KIF2C: variants seen among roughly 807,000 people sequenced by gnomAD.
KIF2C encodes kinesin-like protein KIF2C.
KIF2C carries 34 observed loss-of-function variants against 97.4 expected under a neutral mutation model. That is an observed-to-expected ratio of 0.35 (90% confidence interval 0.27 to 0.46). The LOEUF is 0.46. Among genes scored for constraint, KIF2C ranks in the 20% least tolerant of loss-of-function variants. The pLI is 1.00. For missense variants in KIF2C, 750 were observed against 907.6 expected (o/e 0.83, Z 2.23); for synonymous variants, 313 against 318.2 (o/e 0.98, Z 0.17).
chr1:44,753,194 G>T lies in KIF2C; in HGVS notation c.502G>T (p.Glu168Ter). Residue 168 changes from glutamate to a stop codon, truncating the protein, a stop_gained, in exon 6 of 21, where the codon GAG (glutamate) becomes TAG (stop). Coordinates refer to ENST00000372224, the MANE Select transcript of KIF2C (RefSeq NM_006845.4). LOFTEE classifies it high-confidence loss of function. The stretch of plus-strand genomic sequence containing the variant: ...AATACCATTGAGGATGGTCAGCGAG[G>T]AGATGGAAGAGCAAGTCCATTCCAT... ...AEIPLRMVSE[E>*]MEEQVHSIRG... is the part of the protein sequence containing the mutation. 6.2e-7 allele frequency: 1 copy of T among 1,614,044 alleles called. No individual in the cohort carries two copies. The highest frequency in any genetic ancestry group is 8.5e-7 in the Non-Finnish European group (1 of 1,179,940).
At position 44,747,476 on chromosome 1, in the gene KIF2C, A is replaced by G. The variant is rs1219706910; in HGVS notation, c.258A>G (p.Val86=). The G allele has an allele frequency of 3.1e-6, 5 of 1,608,456 alleles. No individual in the cohort carries two copies. Among genetic ancestry groups the G allele is most frequent in the African/African-American group, 1.3e-5 (1 of 74,502 alleles). ...ACAATCTGCCCTTGCAGGAAAATGT[A>G]ACAATCCAGGTAGGTGCCTGTCATC... The part of the protein sequence containing the change: ...PKDNLPLQEN[V]TIQKQKRRSV... Residue 86 remains valine (V), a synonymous_variant, in exon 3 of 21, where the codon GTA becomes GTG. Coordinates refer to ENST00000372224, the MANE Select transcript of KIF2C (RefSeq NM_006845.4).
chr1:44,746,158 G>T (rs1281862830), intron 2 of KIF2C, among the ~76,000 whole-genome samples: 2 of 152,234 alleles, frequency 1.3e-5, no homozygotes, highest in African/African-American at 2.4e-5. Flanking sequence ...GGTTACAGGC[G>T]TGAGCCACCG....
chr1:44,765,485 A>G (rs181331952), intron 19 of KIF2C, among the ~76,000 whole-genome samples: 13 of 150,768 alleles, frequency 8.6e-5, no homozygotes, highest in Non-Finnish European at 1.6e-4. Context: ...AAGAAAGAAA[A>G]AAACCATTTA....
At chr1:44,754,615 T>A in intron 7 of KIF2C, 135 bp from the exon 8 acceptor site, 1 of 738,870 alleles carries the variant, frequency 1.4e-6, no homozygotes, top group Admixed American at 2.1e-5. Flanking sequence ...ACCTGGCTTC[T>A]CAACCCAGAG....
At position 44,766,881 on chromosome 1, in the gene KIF2C, T is replaced by C. The variant is rs776950086; in HGVS notation, c.2027T>C (p.Leu676Pro). 1 of 1,614,228 alleles carries C rather than the reference T, an allele frequency of 6.2e-7. No individual in the cohort carries two copies. Among genetic ancestry groups the C allele is most frequent in the Non-Finnish European group, 8.5e-7 (1 of 1,180,030 alleles). Reference sequence around the variant, plus strand: ...ATGACCGAGCAGCCAGACTATGACCTGGAGACCTTTGTGAACAAAGCGGAA... The same window carrying C: ...ATGACCGAGCAGCCAGACTATGACCCGGAGACCTTTGTGAACAAAGCGGAA... ...SEMTEQPDYDLETFVNKAESA... is the reference protein window; with the variant it reads ...SEMTEQPDYDPETFVNKAESA... The change falls in exon 20 of 21, where the codon CTG (leucine) becomes CCG (proline). Residue 676 changes from leucine to proline, a missense_variant. Leu to Pro is a moderately conservative substitution (Grantham distance 98). Coordinates refer to ENST00000372224, the MANE Select transcript of KIF2C (RefSeq NM_006845.4).
intron 10 of KIF2C, among the ~76,000 whole-genome samples, chr1:44,757,268 G>A (rs557033147): frequency 2.0e-5 from 3 of 152,282 alleles, no homozygotes; most frequent in Admixed American, 2.0e-4. Flanking sequence ...CTTTTATGCT[G>A]TGTCTCCAGG....
Position 44,764,493 on chromosome 1 carries a change from TTTTG to T in KIF2C, c.1971+1859_1971+1862del, listed in dbSNP as rs763744086. ...TGCCCAGCCTATATATCTGGTTGGTTTTTGTTTGTTTGTTTGTTTGTTTGTTTTG... is the reference window on the plus strand; with the variant it reads ...TGCCCAGCCTATATATCTGGTTGGTTTTTGTTTGTTTGTTTGTTTGTTTTG... On this transcript the variant is annotated intron_variant, in intron 19 of 20. Coordinates refer to ENST00000372224, the MANE Select transcript of KIF2C (RefSeq NM_006845.4). Among the ~76,000 whole-genome samples the T allele has an allele frequency of 5.8e-4, 85 of 146,068 alleles. 1 individual carries two copies. The highest frequency in any genetic ancestry group is 8.8e-4 in the South Asian group (4 of 4,568).
intron 19 of KIF2C, among the ~76,000 whole-genome samples, chr1:44,765,561 G>A (rs923796061): frequency 3.9e-5 from 6 of 152,170 alleles, no homozygotes; most frequent in Admixed American, 6.5e-5. Context: ...CGGGCTGGGC[G>A]CGGTGGCTTA....
At chr1:44,757,735 G>T in intron 11 of KIF2C, 89 bp downstream of exon 11, 1 of 1,139,832 alleles carries the variant, frequency 8.8e-7, no homozygotes, top group South Asian at 1.2e-5. Context: ...GTTGAGAAAG[G>T]CCCCTTGTTA....
rs1649816086 is a variant in KIF2C at position 44,756,141 on chromosome 1, C to T, written c.881C>T (p.Pro294Leu). 6.2e-7 allele frequency: 1 copy of T among 1,614,052 alleles called. No individual in the cohort carries two copies. Among genetic ancestry groups the T allele is most frequent in the Admixed American group, 1.7e-5 (1 of 60,002 alleles). ...AAGTGTCTCCTCTTGGTACATGAACCCAAGTTGAAAGTGGACTTAACAAAG... is the reference window on the plus strand; with the variant it reads ...AAGTGTCTCCTCTTGGTACATGAACTCAAGTTGAAAGTGGACTTAACAAAG... ...PSKCLLLVHE[P>L]KLKVDLTKYL... is the part of the protein sequence containing the mutation. The change falls in exon 10 of 21, where the codon CCC becomes CTC. Residue 294 changes from proline (P) to leucine (L), a missense_variant. Coordinates refer to ENST00000372224, the MANE Select transcript of KIF2C (RefSeq NM_006845.4).
chr1:44,756,373 A>G (rs1274616537), intron 10 of KIF2C, 136 bp downstream of exon 10: 3 of 924,046 alleles, frequency 3.2e-6, no homozygotes, highest in Non-Finnish European at 5.0e-6. Flanking sequence ...TTTGGGTCAC[A>G]CCCTTTGGCA....
chr1:44,767,026 C>T (rs1410804674), intron 20 of KIF2C, 71 bp from the exon 21 acceptor site: 13 of 1,609,954 alleles, frequency 8.1e-6, no homozygotes, highest in Non-Finnish European at 1.1e-5. Flanking sequence ...GTGATGGCAG[C>T]TCTGCCCTGA....
At chr1:44,766,682 T>C in intron 19 of KIF2C, 144 bp from the exon 20 acceptor site, 1 of 800,538 alleles carries the variant, frequency 1.2e-6, no homozygotes, top group South Asian at 2.0e-5. Context: ...AAGGATTTCC[T>C]TGGGGAGAGG....
At position 44,759,233 on chromosome 1, in the gene KIF2C, A is replaced by C; in HGVS notation, c.1252A>C (p.Lys418Gln). Residue 418 changes from lysine (K) to glutamine (Q), a missense_variant, in exon 14 of 21, where the codon AAG (lysine) becomes CAG (glutamine). Coordinates refer to ENST00000372224, the MANE Select transcript of KIF2C (RefSeq NM_006845.4). ...KLFDLLNKKA[K>Q]LRVLEDGKQQ... ...GTTTGACCTGCTCAACAAGAAGGCC[A>C]AGCTGCGCGTGCTGGAGGACGGCAA... 6.2e-7 allele frequency: 1 copy of C among 1,614,184 alleles called. No individual in the cohort carries two copies. Among genetic ancestry groups the C allele is most frequent in the South Asian group, 1.1e-5 (1 of 91,084 alleles).
At chr1:44,755,148 G>T (rs1301586942) in intron 8 of KIF2C, among the ~76,000 whole-genome samples, 1 of 152,162 alleles carries the variant, frequency 6.6e-6, no homozygotes, top group Non-Finnish European at 1.5e-5. Context: ...GGTAGAGACA[G>T]GGTTTCACCA....
At position 44,760,351 on chromosome 1, in the gene KIF2C, C is replaced by T. The variant is rs748182343; in HGVS notation, c.1439C>T (p.Ala480Val). The change falls in exon 15 of 21, where the codon GCT becomes GTT. Residue 480 changes from alanine to valine, a missense_variant. By Grantham distance (64) the Ala-to-Val change is moderately conservative. Transcript: ENST00000372224. The surrounding 1 kb of genome is among the most constrained non-coding windows in gnomAD (Gnocchi z 4.2). Reference sequence around the variant, plus strand: ...GCGTGCTTCCAAATTATTCTTCGAGCTAAAGGGAGAATGCATGGCAAGTTC... The same window carrying T: ...GCGTGCTTCCAAATTATTCTTCGAGTTAAAGGGAGAATGCATGGCAAGTTC... ...SHACFQIILR[A>V]KGRMHGKFSL... 1.2e-6 allele frequency: 2 copies of T among 1,614,212 alleles called. No homozygotes were observed. The highest frequency in any genetic ancestry group is 2.2e-5 in the South Asian group (2 of 91,082).
intron 19 of KIF2C, among the ~76,000 whole-genome samples, chr1:44,764,501 G>A (rs141624415): frequency 1.3e-5 from 2 of 148,870 alleles, no homozygotes; most frequent in Admixed American, 1.4e-4. Flanking sequence ...GTTTTTGTTT[G>A]TTTGTTTGTT....
At chr1:44,753,422 A>G (rs1412511324) in intron 6 of KIF2C, among the ~76,000 whole-genome samples, 168 bp downstream of exon 6, 2 of 152,238 alleles carry the variant, frequency 1.3e-5, no homozygotes, top group African/African-American at 4.8e-5. Flanking sequence ...AGACAAAACA[A>G]GAACTGTTTC....
intron 17 of KIF2C, 31 bp downstream of exon 17, chr1:44,762,014 G>T (rs1184292603): frequency 3.8e-6 from 6 of 1,593,298 alleles, no homozygotes; most frequent in Admixed American, 1.7e-5. Flanking sequence ...GTGGGATGCG[G>T]AACAGGACTG....
Sources: gnomAD v4.1 joint callset for allele counts (sites outside exome capture counted in the v4.1 genomes callset) on GRCh38, gnomAD v4.1.1 for gene constraint, Gnocchi (gnomAD v3.1) non-coding constraint, MANE v1.5 for transcripts, NCBI Gene and HGNC (gene_info 2026-07-23, HGNC 2026-07-21) for gene names.